Variants in TANGO6 observed in about 807,000 individuals in gnomAD.
The protein encoded by TANGO6 is transport and golgi organization 6 homolog, also known as transport and Golgi organization protein 6 homolog.
Under a neutral mutation model 114.2 loss-of-function variants are expected in TANGO6, and 90 were observed. The ratio of observed to expected loss-of-function variants is 0.79; its 90% CI spans 0.66 to 0.94. The LOEUF (loss-of-function observed/expected upper bound fraction) is 0.94, where lower values mean the gene tolerates loss of function less well. Among genes scored for constraint, TANGO6 ranks in the 40% least tolerant of loss-of-function variants. TANGO6 has a pLI of 0.00. For missense variants in TANGO6, 1,274 were observed against 1,315.3 expected, an observed-to-expected ratio of 0.97 and a Z score of 0.49; for synonymous variants, 477 against 509.8, an observed-to-expected ratio of 0.94 and a Z score of 0.87.
At chr16:68,982,492 G>A (rs7205146) in intron 15 of TANGO6, among the ~76,000 whole-genome samples, 56 of 152,056 alleles carry the variant, frequency 3.7e-4, no homozygotes, top group African/African-American at 1.3e-3. Context: ...ACCACGCCCC[G>A]CTAATTTTTG....
chr16:69,054,804 G>A (rs988998542), intron 17 of TANGO6, among the ~76,000 whole-genome samples: 4 of 152,028 alleles, frequency 2.6e-5, no homozygotes, highest in East Asian at 3.9e-4. Flanking sequence ...AGCAGGGCGC[G>A]GTGGCAGGTG....
intron 12 of TANGO6, among the ~76,000 whole-genome samples, chr16:68,923,455 C>T (rs540897156): frequency 1.3e-5 from 2 of 152,162 alleles, no homozygotes; most frequent in African/African-American, 2.4e-5. Flanking sequence ...AGGGACGAGC[C>T]GCTGAAATCT....
chr16:68,927,854 C>A lies in TANGO6; in HGVS notation c.2414C>A (p.Pro805His), dbSNP rs765817254. ...CAACAGCAGAGCCATGAGACAGCCC[C>A]CCAGACAGGCCTGCAGTCAAATGCT... ...LEQQQSHETA[P>H]QTGLQSNAPI... Residue 805 changes from proline to histidine, a missense_variant, in exon 13 of 18, where the codon CCC becomes CAC. Pro to His is a moderately conservative substitution (Grantham distance 77). Around this residue, in one of 5 missense-constraint regions of TANGO6, gnomAD observed 908 missense variants for 910.2 expected, o/e 1.00. Coordinates refer to ENST00000261778, the MANE Select transcript of TANGO6 (RefSeq NM_024562.2). 6.2e-7 allele frequency: 1 copy of A among 1,613,992 alleles called. No individual in the cohort carries two copies. The highest frequency in any genetic ancestry group is 8.5e-7 in the Non-Finnish European group (1 of 1,179,884).
rs1405314108 is a variant in TANGO6, at chr16:69,083,581, C to T, written c.3205C>T (p.Leu1069=). Residue 1069 remains leucine (L), a synonymous_variant, in exon 18 of 18, where the codon CTA becomes TTA. Transcript: ENST00000261778. The stretch of plus-strand genomic sequence containing the variant: ...GGCCAAGCTCCATGCCCAGTTGGCC[C>T]TAGAAGAGCTGGATGACATCATGAA... The part of the protein sequence containing the change: ...DVAKLHAQLA[L]EELDDIMKNF... The T allele has an allele frequency of 6.2e-7, 1 of 1,603,588 alleles. No homozygotes were observed. The highest frequency in any genetic ancestry group is 1.3e-5 in the African/African-American group (1 of 74,734).
At chr16:69,063,995 C>A (rs542106719) in intron 17 of TANGO6, among the ~76,000 whole-genome samples, 10 of 152,092 alleles carry the variant, frequency 6.6e-5, no homozygotes, top group African/African-American at 2.4e-4. Flanking sequence ...TGCCACCACG[C>A]GTGGCTAATT....
At chr16:68,963,589 G>A (rs1043703978) in intron 14 of TANGO6, among the ~76,000 whole-genome samples, 3 of 152,178 alleles carry the variant, frequency 2.0e-5, no homozygotes, top group Non-Finnish European at 4.4e-5. Context: ...CTTTCTACAT[G>A]TTAGATGTGG....
At chr16:68,911,416 T>C (rs201729847) in intron 11 of TANGO6, among the ~76,000 whole-genome samples, 12,261 of 136,396 alleles carry the variant, frequency 0.09, 548 homozygotes, top group African/African-American at 0.14. Context: ...TTATAGTTTC[T>C]TTTTTTTTTT....
intron 14 of TANGO6, among the ~76,000 whole-genome samples, chr16:68,942,863 A>G (rs1047160523): frequency 6.6e-6 from 1 of 151,908 alleles, no homozygotes; most frequent in African/African-American, 2.4e-5. Flanking sequence ...CCTCTGAAAT[A>G]TGAATCTGAG....
chr16:68,960,615 C>T (rs1165940870), intron 14 of TANGO6, among the ~76,000 whole-genome samples: 1 of 152,102 alleles, frequency 6.6e-6, no homozygotes, highest in Non-Finnish European at 1.5e-5. Context: ...GCAATTCTGC[C>T]TCAGTCTCCC....
intron 14 of TANGO6, among the ~76,000 whole-genome samples, chr16:68,969,548 A>C (rs780969902): frequency 3.3e-5 from 5 of 152,174 alleles, no homozygotes; most frequent in Non-Finnish European, 7.3e-5. Flanking sequence ...GGAACAGGCC[A>C]GCAGGAAGAT....
chr16:68,980,435 A>ATTTTTTTTTT (rs1291932299), intron 15 of TANGO6, among the ~76,000 whole-genome samples: 2 of 61,810 alleles, frequency 3.2e-5, no homozygotes, highest in African/African-American at 1.4e-4. Flanking sequence ...ATATATATAT[A>ATTTTTTTTTT]TTTTTTTTTT....
intron 15 of TANGO6, among the ~76,000 whole-genome samples, chr16:68,981,231 T>TTTG (rs1963833351): frequency 6.8e-6 from 1 of 146,924 alleles, no homozygotes; most frequent in African/African-American, 2.5e-5. Context: ...TTTTTTTTTT[T>TTTG]GCGGAGTCTT....
At chr16:68,940,254 G>T (rs1963339567) in intron 14 of TANGO6, among the ~76,000 whole-genome samples, 1 of 147,510 alleles carries the variant, frequency 6.8e-6, no homozygotes, top group Non-Finnish European at 1.5e-5. Context: ...GTCTCACTGT[G>T]TCACCAAGGC....
chr16:69,020,919 TGTGTGTGTGTGTGTGTGTGTGTG>T (rs1959393092), intron 15 of TANGO6, among the ~76,000 whole-genome samples: 3 of 150,600 alleles, frequency 2.0e-5, no homozygotes, highest in Non-Finnish European at 3.0e-5. Context: ...TGTGTGTGTG[TGTGTGTGTGTGTGTGTGTGTGTG>T]GTGTGTGTGT....
intron 17 of TANGO6, among the ~76,000 whole-genome samples, chr16:69,059,292 G>A (rs1337496228): frequency 1.3e-5 from 2 of 151,618 alleles, no homozygotes; most frequent in Non-Finnish European, 2.9e-5. Flanking sequence ...GGCTGGTCTC[G>A]AACTCCTGAC....
At chr16:69,061,790 C>T (rs971566608) in intron 17 of TANGO6, among the ~76,000 whole-genome samples, 1 of 152,008 alleles carries the variant, frequency 6.6e-6, no homozygotes, top group Non-Finnish European at 1.5e-5. Flanking sequence ...GAGGCCGAGG[C>T]GGGCGGATCA....
chr16:68,846,666 TC>T (rs1194627488), intron 1 of TANGO6: 3 of 154,342 alleles, frequency 1.9e-5, no homozygotes, highest in Non-Finnish European at 4.2e-5. Flanking sequence ...TGGCTAATTT[TC>T]TTTTTTTTTT....
Position 68,875,302 on chromosome 16 carries a change from TG to T in TANGO6, c.1131+13del. ...ACATCTGCCCCCAGGTAAATCTTTT[TG>T]TTTCTATTGATCATTTGAGGATTAT... is the stretch of plus-strand genomic sequence containing the variant. On this transcript the variant is annotated intron_variant, in intron 5 of 17. Coordinates refer to ENST00000261778, the MANE Select transcript of TANGO6 (RefSeq NM_024562.2). 6 of 1,610,880 alleles carry T rather than the reference TG, an allele frequency of 3.7e-6. No individual in the cohort carries two copies. Among genetic ancestry groups the T allele is most frequent in the Non-Finnish European group, 5.1e-6 (6 of 1,177,856 alleles).
chr16:69,065,700 A>G (rs912428354), intron 17 of TANGO6, among the ~76,000 whole-genome samples: 5 of 152,238 alleles, frequency 3.3e-5, no homozygotes, highest in Non-Finnish European at 5.9e-5. Context: ...GAGATTTTCT[A>G]TCTGTCAGGC....
Sources: gnomAD v4.1 joint callset for allele counts (sites outside exome capture counted in the v4.1 genomes callset) on GRCh38, gnomAD v4.1.1 for gene constraint, gnomAD v4.1.1 regional missense constraint, MANE v1.5 for transcripts, NCBI Gene and HGNC (gene_info 2026-07-23, HGNC 2026-07-21) for gene names.